GHR: variants seen among roughly 807,000 people sequenced by gnomAD.
The protein encoded by GHR is growth hormone receptor.
In GHR, 35 loss-of-function variants were observed where a neutral mutation model predicts 67.1. That is an observed-to-expected ratio of 0.52 (90% CI 0.40 to 0.69). GHR has a LOEUF of 0.69. Among genes scored for constraint, GHR ranks in the 30% least tolerant of loss-of-function variants. The pLI is 0.00. For synonymous variants in GHR, 272 were observed against 269.1 expected, an observed-to-expected ratio of 1.01 and a Z score of -0.10; for missense variants, 792 against 764.6, an observed-to-expected ratio of 1.04 and a Z score of -0.42.
intron 1 of GHR, among the ~76,000 whole-genome samples, chr5:42,456,954 G>T (rs1400161829): frequency 6.6e-6 from 1 of 152,094 alleles, no homozygotes; most frequent in Admixed American, 6.5e-5. Context: ...TCATTTTCTG[G>T]GCATTTTTAA....
chr5:42,692,948 A>G (rs996571589), intron 4 of GHR, among the ~76,000 whole-genome samples: 5 of 152,134 alleles, frequency 3.3e-5, no homozygotes, highest in Admixed American at 2.6e-4. Flanking sequence ...CTTAATTTGA[A>G]AGTAAATATC....
chr5:42,681,808 C>T (rs1029740768), intron 3 of GHR, among the ~76,000 whole-genome samples: 6 of 151,410 alleles, frequency 4.0e-5, no homozygotes, highest in Admixed American at 1.3e-4. Context: ...CAGTGGCGGG[C>T]GCCTGTAGTC....
At chr5:42,501,654 C>T (rs1033993539) in intron 1 of GHR, among the ~76,000 whole-genome samples, 5 of 152,164 alleles carry the variant, frequency 3.3e-5, no homozygotes, top group Admixed American at 1.3e-4. Context: ...CTTCCTTCCC[C>T]TCAACTCATG....
intron 2 of GHR, among the ~76,000 whole-genome samples, chr5:42,569,021 G>A (rs1316874885): frequency 6.6e-6 from 1 of 152,178 alleles, no homozygotes. Context: ...ACACTTTATA[G>A]AAGTGATGAT....
chr5:42,460,980 C>G (rs1447640681), intron 1 of GHR, among the ~76,000 whole-genome samples: 2 of 152,094 alleles, frequency 1.3e-5, no homozygotes, highest in Non-Finnish European at 2.9e-5. Context: ...CCTTAGCTGC[C>G]CAACATCCCA....
chr5:42,671,967 A>AAG, intron 3 of GHR, among the ~76,000 whole-genome samples: 1 of 151,354 alleles, frequency 6.6e-6, no homozygotes, highest in East Asian at 1.9e-4. Context: ...AAAAAAAAAA[A>AAG]AAAAAGAAAC....
chr5:42,601,604 T>C lies in GHR; in HGVS notation c.71-27434T>C, dbSNP rs534421239. On this transcript the variant is annotated intron_variant, in intron 2 of 9. Coordinates refer to ENST00000230882, the MANE Select transcript of GHR (RefSeq NM_000163.5). ...CATAGGTTTGTTATTTTCCAAATTC[T>C]TATTAAAGCATTAATGCAAATGGAA... Among the ~76,000 whole-genome samples, 32 of 152,282 alleles carry C rather than the reference T, an allele frequency of 2.1e-4. 1 individual carries two copies. The highest frequency in any genetic ancestry group is 7.7e-4 in the African/African-American group (32 of 41,538).
intron 3 of GHR, among the ~76,000 whole-genome samples, chr5:42,662,553 C>G (rs1220483069): frequency 1.3e-5 from 2 of 152,072 alleles, no homozygotes; most frequent in Non-Finnish European, 2.9e-5. Flanking sequence ...TTCTTTGAAA[C>G]CAACAAGAAC....
At chr5:42,539,464 T>C (rs1748404194) in intron 1 of GHR, among the ~76,000 whole-genome samples, 1 of 152,212 alleles carries the variant, frequency 6.6e-6, no homozygotes, top group Non-Finnish European at 1.5e-5. Context: ...ACACAACCAG[T>C]CTACCTGGCT....
chr5:42,674,100 C>A (rs967886081), intron 3 of GHR, among the ~76,000 whole-genome samples: 2 of 152,016 alleles, frequency 1.3e-5, no homozygotes, highest in African/African-American at 4.8e-5. Context: ...CCTGACAACC[C>A]CACTTACAAG....
chr5:42,427,629 C>G (rs907006362), intron 1 of GHR, among the ~76,000 whole-genome samples: 2 of 152,158 alleles, frequency 1.3e-5, no homozygotes, highest in Admixed American at 1.3e-4. Flanking sequence ...TCCCAACAGT[C>G]CCCCAAAGTC....
At chr5:42,542,649 A>G (rs534044993) in intron 1 of GHR, among the ~76,000 whole-genome samples, 1 of 152,218 alleles carries the variant, frequency 6.6e-6, no homozygotes, top group Admixed American at 6.5e-5. Flanking sequence ...TTCTATTCCA[A>G]TCATTTTTGG....
Position 42,495,640 on chromosome 5 carries a change from G to A in GHR, c.-11-70224G>A, listed in dbSNP as rs148110237. 1.8e-3 allele frequency among the ~76,000 whole-genome samples: 276 copies of A among 152,162 alleles called. 1 individual carries two copies. The highest frequency in any genetic ancestry group is 6.3e-3 in the African/African-American group (262 of 41,532). On this transcript the variant is annotated intron_variant, in intron 1 of 9. Transcript: ENST00000230882. Reference sequence around the variant, plus strand: ...AGAATTAGGCCAACACAGACATATGGGATGGTAGGTTCATTTGGGTTGGAT... The same window carrying A: ...AGAATTAGGCCAACACAGACATATGAGATGGTAGGTTCATTTGGGTTGGAT...
rs772689930 is a variant in GHR at position 42,707,931 on chromosome 5, C to T, written c.619-3276C>T. ...ATTCTAAAAAGTGATTTGCATATTA[C>T]CATGAAAATATTAGACTACTTTAAA... On this transcript the variant is annotated intron_variant, in intron 6 of 9. Transcript: ENST00000230882. Among the ~76,000 whole-genome samples, 21 of 151,982 alleles carry T rather than the reference C, an allele frequency of 1.4e-4. 1 individual carries two copies. Among genetic ancestry groups the T allele is most frequent in the Non-Finnish European group, 2.6e-4 (18 of 67,940 alleles).
At chr5:42,477,536 C>G (rs1178427671) in intron 1 of GHR, among the ~76,000 whole-genome samples, 3 of 152,188 alleles carry the variant, frequency 2.0e-5, no homozygotes, top group Non-Finnish European at 4.4e-5. Context: ...ACATCCTCTC[C>G]AGCACCTGTT....
chr5:42,576,100 A>AAAATAAAAT (rs1396306656), intron 2 of GHR, among the ~76,000 whole-genome samples: 601 of 16,014 alleles, frequency 0.038, 33 homozygotes, highest in African/African-American at 0.077. Context: ...AAAATAAAAT[A>AAAATAAAAT]AATAAAATAA....
intron 1 of GHR, among the ~76,000 whole-genome samples, chr5:42,475,947 C>CT (rs1745289397): frequency 6.6e-6 from 1 of 151,464 alleles, no homozygotes; most frequent in African/African-American, 2.4e-5. Context: ...GCTCTGTCAC[C>CT]AGGCTGGAGT....
chr5:42,692,510 A>G (rs1419461659), intron 4 of GHR, among the ~76,000 whole-genome samples: 2 of 152,168 alleles, frequency 1.3e-5, no homozygotes, highest in Non-Finnish European at 2.9e-5. Flanking sequence ...TCTACATTTA[A>G]TAGTTTAAAA....
chr5:42,540,206 TC>T, intron 1 of GHR, among the ~76,000 whole-genome samples: 1 of 151,946 alleles, frequency 6.6e-6, no homozygotes, highest in African/African-American at 2.4e-5. Flanking sequence ...TCTCTCTCTC[TC>T]TCTCTCTCTC....
Sources: gnomAD v4.1 joint callset for allele counts (sites outside exome capture counted in the v4.1 genomes callset) on GRCh38, gnomAD v4.1.1 for gene constraint, MANE v1.5 for transcripts, NCBI Gene and HGNC (gene_info 2026-07-23, HGNC 2026-07-21) for gene names.